The following SLC16A10 variants were observed in gnomAD, a reference collection of about 807,000 sequenced individuals.
SLC16A10 encodes solute carrier family 16 member 10, also known as monocarboxylate transporter 10.
SLC16A10 carries 27 observed loss-of-function variants against 40.0 expected under a neutral mutation model. The ratio of observed to expected loss-of-function variants is 0.67; its 90% CI spans 0.50 to 0.93. SLC16A10 has a LOEUF of 0.93. Ranked by LOEUF, SLC16A10 falls within the 40% of genes least tolerant of loss-of-function variation. SLC16A10 has a pLI of 0.00. For synonymous variants in SLC16A10, 213 were observed against 249.8 expected (o/e 0.85, Z 1.39); for missense variants, 529 against 658.2 (o/e 0.80, Z 2.15).
At chr6:111,185,884 G>A (rs1342649517) in intron 3 of SLC16A10, among the ~76,000 whole-genome samples, 1 of 150,696 alleles carries the variant, frequency 6.6e-6, no homozygotes, top group African/African-American at 2.5e-5. Context: ...TCCTGTTAAT[G>A]TGTAAATTTC....
intron 1 of SLC16A10, among the ~76,000 whole-genome samples, chr6:111,100,021 CA>C (rs56154710): frequency 0.49 from 55,139 of 112,438 alleles, 10,576 homozygotes; most frequent in East Asian, 0.68. Flanking sequence ...GACCCTGTCT[CA>C]AAAAAAAAAA....
intron 5 of SLC16A10, among the ~76,000 whole-genome samples, chr6:111,220,657 C>T (rs1007770948): frequency 3.3e-5 from 5 of 152,182 alleles, no homozygotes; most frequent in Admixed American, 6.5e-5. Context: ...TCTTCTCTCC[C>T]GCAGGTAATA....
chr6:111,205,680 G>A (rs1298167799), intron 3 of SLC16A10, among the ~76,000 whole-genome samples: 1 of 152,154 alleles, frequency 6.6e-6, no homozygotes, highest in South Asian at 2.1e-4. Context: ...AAGCCACAAG[G>A]CTGATAAGAA....
At chr6:111,214,977 G>C (rs888836638) in intron 4 of SLC16A10, among the ~76,000 whole-genome samples, 8 of 152,064 alleles carry the variant, frequency 5.3e-5, no homozygotes, top group Non-Finnish European at 1.2e-4. Flanking sequence ...AAAGTAGCCA[G>C]GCGTGGTAGT....
chr6:111,149,988 A>C (rs891694146), intron 1 of SLC16A10, among the ~76,000 whole-genome samples: 1 of 152,226 alleles, frequency 6.6e-6, no homozygotes, highest in Non-Finnish European at 1.5e-5. Flanking sequence ...AGTTTTGTCA[A>C]CTGAGTAGAT....
chr6:111,156,318 T>C (rs1772269185), intron 1 of SLC16A10, among the ~76,000 whole-genome samples: 1 of 152,166 alleles, frequency 6.6e-6, no homozygotes, highest in South Asian at 2.1e-4. Context: ...GTGACTTCCT[T>C]CCAGGAGTGC....
At chr6:111,145,395 T>C (rs1315033007) in intron 1 of SLC16A10, among the ~76,000 whole-genome samples, 1 of 152,142 alleles carries the variant, frequency 6.6e-6, no homozygotes, top group Non-Finnish European at 1.5e-5. Flanking sequence ...AGTGAGACCC[T>C]GTCTCAAAAT....
intron 3 of SLC16A10, among the ~76,000 whole-genome samples, chr6:111,184,025 C>T (rs1772850443): frequency 1.3e-5 from 2 of 152,098 alleles, no homozygotes; most frequent in South Asian, 4.1e-4. Context: ...ATGACAGTGA[C>T]AATGATAATG....
chr6:111,189,604 C>T (rs1251395034), intron 3 of SLC16A10, among the ~76,000 whole-genome samples: 4 of 152,074 alleles, frequency 2.6e-5, no homozygotes, highest in African/African-American at 7.2e-5. Context: ...GTTTAATGGA[C>T]TTAAAGTTCC....
intron 1 of SLC16A10, among the ~76,000 whole-genome samples, chr6:111,141,823 T>C (rs1771988386): frequency 6.6e-6 from 1 of 152,184 alleles, no homozygotes; most frequent in Admixed American, 6.5e-5. Flanking sequence ...GGACAGATAT[T>C]CCATGTTCAT....
At chr6:111,137,489 T>C (rs1052685769) in intron 1 of SLC16A10, among the ~76,000 whole-genome samples, 2 of 152,232 alleles carry the variant, frequency 1.3e-5, no homozygotes, top group African/African-American at 4.8e-5. Context: ...TAAGTTTGTC[T>C]CTTACAGAAT....
intron 4 of SLC16A10, among the ~76,000 whole-genome samples, chr6:111,211,397 G>T (rs912164544): frequency 6.6e-6 from 1 of 152,134 alleles, no homozygotes; most frequent in African/African-American, 2.4e-5. Flanking sequence ...TCCCATGTTG[G>T]TCTGCAGTTA....
At position 111,228,495 on chromosome 6, in the gene SLC16A10, C is replaced by A. The variant is rs1228919713; in HGVS notation, c.*6260C>A. ...TAAACATGTATGCGATAGGAACTAC[C>A]AATATAAAATAACACTTAGAACTCA... is the stretch of plus-strand genomic sequence containing the variant. On this transcript the variant is annotated 3_prime_UTR_variant, in exon 6 of 6. Transcript: ENST00000368851. 1 of 152,006 alleles carries A rather than the reference C, an allele frequency of 6.6e-6. No individual in the cohort carries two copies. The highest frequency in any genetic ancestry group is 1.5e-5 in the Non-Finnish European group (1 of 68,010). The allele number at this position is 152,006 out of a possible 1,614,324, so 9.4% of individuals were successfully genotyped here.
At chr6:111,181,706 A>G (rs1261351302) in intron 3 of SLC16A10, among the ~76,000 whole-genome samples, 2 of 152,204 alleles carry the variant, frequency 1.3e-5, no homozygotes, top group Non-Finnish European at 1.5e-5. Context: ...GAGAATATGC[A>G]TGCTTGCTTT....
At chr6:111,215,136 A>T (rs374821323) in intron 4 of SLC16A10, among the ~76,000 whole-genome samples, 17 of 152,102 alleles carry the variant, frequency 1.1e-4, no homozygotes, top group South Asian at 8.3e-4. Context: ...TAAAAAAAAT[A>T]AAAAAAAGAA....
chr6:111,213,547 A>G (rs1043679271), intron 4 of SLC16A10, among the ~76,000 whole-genome samples: 1 of 152,324 alleles, frequency 6.6e-6, no homozygotes, highest in African/African-American at 2.4e-5. Flanking sequence ...ATGAGGGTAT[A>G]TACTTTATCA....
Position 111,143,434 on chromosome 6 carries a change from G to GA in SLC16A10, c.344-29260dup, listed in dbSNP as rs552690192. ...GCCTTGCTTTTTATTGCCCAGGCTG[G>GA]AGTGTAGTGATGCAGTCATAGCTCA... On this transcript the variant is annotated intron_variant, in intron 1 of 5. Coordinates refer to ENST00000368851, the MANE Select transcript of SLC16A10 (RefSeq NM_018593.5). Among the ~76,000 whole-genome samples, 387 of 152,224 alleles carry GA rather than the reference G, an allele frequency of 2.5e-3. 2 individuals carry two copies. The highest frequency in any genetic ancestry group is 8.8e-3 in the African/African-American group (367 of 41,528).
chr6:111,193,929 A>T (rs1328151939), intron 3 of SLC16A10, among the ~76,000 whole-genome samples: 1 of 152,214 alleles, frequency 6.6e-6, no homozygotes, highest in Non-Finnish European at 1.5e-5. Flanking sequence ...TCTACAAAAT[A>T]CATTGGTACA....
chr6:111,163,501 T>C (rs1772414499), intron 1 of SLC16A10, among the ~76,000 whole-genome samples: 1 of 152,202 alleles, frequency 6.6e-6, no homozygotes, highest in Non-Finnish European at 1.5e-5. Flanking sequence ...ACATTAGAAT[T>C]TTAGAAACCT....
Sources: allele counts gnomAD v4.1 joint callset (sites outside exome capture counted in the v4.1 genomes callset), GRCh38; gene constraint gnomAD v4.1.1; transcripts MANE v1.5; gene names NCBI Gene and HGNC (gene_info 2026-07-23, HGNC 2026-07-21).